The following KICS2 variants were observed in gnomAD, a reference collection of about 807,000 sequenced individuals.
KICS2 encodes KICSTOR subunit 2.
KICS2 carries 13 observed loss-of-function variants against 31.4 expected under a neutral mutation model. The observed-to-expected ratio is 0.41, with a 90% CI of 0.27 to 0.66. The LOEUF (loss-of-function observed/expected upper bound fraction) is 0.66. KICS2 is among the 30% of genes least tolerant of loss of function. The pLI is 0.28. For missense variants in KICS2, 455 were observed against 545.4 expected, an observed-to-expected ratio of 0.83 and a Z score of 1.65; for synonymous variants, 209 against 214.8, an observed-to-expected ratio of 0.97 and a Z score of 0.24.
At position 64,192,460 on chromosome 12, in the gene KICS2, G is replaced by A; in HGVS notation, c.*1382C>T. The A allele has an allele frequency of 3.2e-6, 1 of 311,024 alleles. No homozygotes were observed. Among genetic ancestry groups the A allele is most frequent in the Non-Finnish European group, 4.7e-6 (1 of 213,504 alleles). The allele number at this position is 311,024 out of a possible 1,614,324, so 19.3% of individuals were successfully genotyped here. On this transcript the variant is annotated 3_prime_UTR_variant, in exon 3 of 3. Coordinates refer to ENST00000398055, the MANE Select transcript of KICS2 (RefSeq NM_152440.5). Reference sequence around the variant, plus strand: ...TCTTCTGCCAGGCAGTCCACCCTAGGTGGGCAGGCTTCCTACATGGACTCT... The same window carrying A: ...TCTTCTGCCAGGCAGTCCACCCTAGATGGGCAGGCTTCCTACATGGACTCT...
At chr12:64,218,143 T>C (rs529114739) in intron 1 of KICS2, among the ~76,000 whole-genome samples, 1 of 152,362 alleles carries the variant, frequency 6.6e-6, no homozygotes, top group Admixed American at 6.5e-5. Flanking sequence ...CATACGGAAC[T>C]GTTCCCTACA....
In KICS2 at chr12:64,192,067, G is replaced by GAAAAAAAAA. The variant is rs2037383938; in HGVS notation, c.*1774_*1775insTTTTTTTTT. 1 of 142,448 alleles carries GAAAAAAAAA rather than the reference G, an allele frequency of 7.0e-6. No individual in the cohort carries two copies. The highest frequency in any genetic ancestry group is 1.5e-5 in the Non-Finnish European group (1 of 65,472). 8.8% of individuals were successfully genotyped at this position (142,448 alleles called of 1,614,324 possible). The stretch of plus-strand genomic sequence containing the variant: ...CTCAAAAAAAAAAAAAAAAAAAAAG[G>GAAAAAAAAA]AAAAACACATGTTCTTCCCAGAAAA... On this transcript the variant is annotated 3_prime_UTR_variant, in exon 3 of 3. Coordinates refer to ENST00000398055, the MANE Select transcript of KICS2 (RefSeq NM_152440.5).
At chr12:64,196,529 A>G (rs946655719) in intron 2 of KICS2, among the ~76,000 whole-genome samples, 1 of 151,676 alleles carries the variant, frequency 6.6e-6, no homozygotes, top group African/African-American at 2.4e-5. Context: ...TGGAAACTCT[A>G]AAACGCAGAG....
chr12:64,196,275 C>G (rs1480685141), intron 2 of KICS2, among the ~76,000 whole-genome samples: 1 of 130,338 alleles, frequency 7.7e-6, no homozygotes, highest in Non-Finnish European at 1.7e-5. Context: ...ACTGCCTCCT[C>G]AAGTGGGTTC....
chr12:64,205,460 T>C (rs528913959), intron 2 of KICS2, among the ~76,000 whole-genome samples: 2 of 152,276 alleles, frequency 1.3e-5, no homozygotes, highest in African/African-American at 4.8e-5. Flanking sequence ...TATTCACAAC[T>C]CGTATCATAG....
At chr12:64,220,968 T>C (rs1294988830) in intron 1 of KICS2, among the ~76,000 whole-genome samples, 1 of 152,190 alleles carries the variant, frequency 6.6e-6, no homozygotes, top group Non-Finnish European at 1.5e-5. Context: ...GCATACTAAA[T>C]AAGTATGTAT....
At chr12:64,217,803 G>T (rs1311778992) in intron 1 of KICS2, among the ~76,000 whole-genome samples, 1 of 115,264 alleles carries the variant, frequency 8.7e-6, no homozygotes, top group African/African-American at 3.3e-5. Context: ...TCCATCAAAA[G>T]AAAAGAAAAG....
chr12:64,195,933 C>G (rs1421330619), intron 2 of KICS2, among the ~76,000 whole-genome samples: 1 of 152,190 alleles, frequency 6.6e-6, no homozygotes, highest in South Asian at 2.1e-4. Context: ...TATCCCACAC[C>G]TGGCTTGGAG....
chr12:64,217,689 T>C (rs376508755), intron 1 of KICS2, among the ~76,000 whole-genome samples: 221 of 151,930 alleles, frequency 1.5e-3, no homozygotes, highest in African/African-American at 4.4e-3. Context: ...TAATCCCAGC[T>C]ACTCGGGAGG....
chr12:64,221,826 G>T, intron 1 of KICS2, 177 bp downstream of exon 1: 1 of 719,756 alleles, frequency 1.4e-6, no homozygotes, highest in Non-Finnish European at 2.3e-6. Flanking sequence ...GCAGGCCGGT[G>T]GGCGGGGCTT....
At chr12:64,207,770 T>C (rs1229694478) in intron 2 of KICS2, among the ~76,000 whole-genome samples, 1 of 152,142 alleles carries the variant, frequency 6.6e-6, no homozygotes, top group Non-Finnish European at 1.5e-5. Flanking sequence ...CCAATCCTAG[T>C]AGGCCTGCAA....
chr12:64,205,454 C>T (rs999076002), intron 2 of KICS2, among the ~76,000 whole-genome samples: 13 of 152,194 alleles, frequency 8.5e-5, no homozygotes, highest in Non-Finnish European at 1.8e-4. Flanking sequence ...CATAGCTATT[C>T]ACAACTCGTA....
In KICS2 at chr12:64,222,014, C is replaced by T; in HGVS notation, c.224G>A (p.Gly75Glu). 1.2e-6 allele frequency: 2 copies of T among 1,613,558 alleles called. No individual in the cohort carries two copies. Among genetic ancestry groups the T allele is most frequent in the Non-Finnish European group, 1.7e-6 (2 of 1,179,796 alleles). ...EKVYHSLTYL[G>E]QKLGGQSFFS... ...CGGGGCGGAGGTACCTAGTTTCTGC[C>T]CCAGGTAGGTGAGGCTGTGATAGAC... Residue 75 changes from glycine (G) to glutamate (E), a missense_variant, in exon 1 of 3, where the codon GGG (glycine) becomes GAG (glutamate). Gly to Glu is a moderately conservative substitution (Grantham distance 98). Transcript: ENST00000398055.
intron 2 of KICS2, among the ~76,000 whole-genome samples, chr12:64,213,370 G>A (rs980885470): frequency 2.6e-5 from 4 of 151,914 alleles, no homozygotes; most frequent in Admixed American, 6.6e-5. Context: ...AAAGAATATG[G>A]GCTCTGAAGT....
At chr12:64,194,952 T>G (rs967953271) in intron 2 of KICS2, among the ~76,000 whole-genome samples, 1 of 147,838 alleles carries the variant, frequency 6.8e-6, no homozygotes, top group Non-Finnish European at 1.5e-5. Flanking sequence ...TTTTTTTTAT[T>G]TATTTATTTT....
intron 1 of KICS2, among the ~76,000 whole-genome samples, chr12:64,220,933 C>G (rs538497890): frequency 1.3e-5 from 2 of 152,216 alleles, no homozygotes; most frequent in Non-Finnish European, 2.9e-5. Flanking sequence ...GTGAAACTAT[C>G]TGACCAGTTT....
Position 64,194,124 on chromosome 12 carries a change from CAG to C in KICS2, c.1054_1055del (p.Leu352AlafsTer22). ...GVDQYPAVVS[L>X]PSDRPVMHWP... is the part of the protein sequence containing the mutation. Reference sequence around the variant, plus strand: ...AGTGCATGACTGGCCTGTCGCTGGGCAGAGACACTACAGCTGGATACTGGTCC... The same window carrying C: ...AGTGCATGACTGGCCTGTCGCTGGGCAGACACTACAGCTGGATACTGGTCC... On this transcript the variant is annotated frameshift_variant, in exon 3 of 3. Coordinates refer to ENST00000398055, the MANE Select transcript of KICS2 (RefSeq NM_152440.5). LOFTEE classifies it high-confidence loss of function. 1 of 1,614,142 alleles carries C rather than the reference CAG, an allele frequency of 6.2e-7. No homozygotes were observed. Among genetic ancestry groups the C allele is most frequent in the Non-Finnish European group, 8.5e-7 (1 of 1,180,042 alleles).
downstream of KICS2, chr12:64,187,363 G>C: frequency 2.1e-6 from 1 of 485,526 alleles, no homozygotes; most frequent in South Asian, 3.3e-5. Context: ...AGGGACTACA[G>C]AAGGGGGAAC....
At chr12:64,206,929 C>T (rs779013214) in intron 2 of KICS2, among the ~76,000 whole-genome samples, 5 of 151,824 alleles carry the variant, frequency 3.3e-5, no homozygotes, top group East Asian at 1.9e-4. Context: ...TTCAGTGAGG[C>T]GAGATGAAAA....
Sources: allele counts gnomAD v4.1 joint callset (sites outside exome capture counted in the v4.1 genomes callset), GRCh38; gene constraint gnomAD v4.1.1; transcripts MANE v1.5; gene names NCBI Gene and HGNC (gene_info 2026-07-23, HGNC 2026-07-21).